The following CDH13 variants were observed in gnomAD, a reference collection of about 807,000 sequenced individuals.
CDH13 encodes the protein cadherin 13, also known as cadherin-13.
CDH13 carries 24 observed loss-of-function variants against 63.8 expected under a neutral mutation model. The ratio of observed to expected loss-of-function variants is 0.38; its 90% CI spans 0.27 to 0.53. The LOEUF is 0.53. Among genes scored for constraint, CDH13 ranks in the 20% least tolerant of loss-of-function variants. The probability of loss-of-function intolerance (pLI) is 0.85; values close to 1 mark genes in which losing one functional copy is unlikely to be tolerated. For synonymous variants in CDH13, 503 were observed against 355.3 expected (o/e 1.42, Z -4.67); for missense variants, 1,049 against 903.1 (o/e 1.16, Z -2.07).
intron 2 of CDH13, among the ~76,000 whole-genome samples, chr16:82,868,679 C>A (rs748018118): frequency 2.6e-5 from 4 of 152,254 alleles, no homozygotes; most frequent in Non-Finnish European, 4.4e-5. Context: ...ATCACACTGT[C>A]AGCCTTTGGG....
intron 10 of CDH13, among the ~76,000 whole-genome samples, chr16:83,742,242 C>T (rs577706705): frequency 2.0e-5 from 3 of 152,268 alleles, no homozygotes; most frequent in South Asian, 4.1e-4. Flanking sequence ...TGAGAGTGAG[C>T]CCGCCTTCCA....
At chr16:83,644,140 T>G (rs1485336589) in intron 8 of CDH13, among the ~76,000 whole-genome samples, 2 of 152,246 alleles carry the variant, frequency 1.3e-5, no homozygotes, top group Non-Finnish European at 2.9e-5. Flanking sequence ...CTTCTCTTTA[T>G]CTCAGCTCTG....
chr16:82,960,072 T>C (rs1906738306), intron 2 of CDH13, among the ~76,000 whole-genome samples: 1 of 152,184 alleles, frequency 6.6e-6, no homozygotes, highest in Non-Finnish European at 1.5e-5. Flanking sequence ...ATTCATGTTT[T>C]AAAAACATTC....
Position 83,305,123 on chromosome 16 carries a change from G to A in CDH13, c.637-39739G>A, listed in dbSNP as rs148865754. 3.4e-3 allele frequency among the ~76,000 whole-genome samples: 511 copies of A among 152,226 alleles called. 2 individuals are homozygous for A. Among genetic ancestry groups the A allele is most frequent in the Non-Finnish European group, 5.5e-3 (371 of 68,018 alleles). ...TGGGGGGACTCTCCTGCTCTGAAGG[G>A]GGCCATCCTGGTCTAGGGGAGCTGT... On this transcript the variant is annotated intron_variant, in intron 5 of 13. Coordinates refer to ENST00000567109, the MANE Select transcript of CDH13 (RefSeq NM_001257.5).
intron 1 of CDH13, among the ~76,000 whole-genome samples, chr16:82,716,909 C>G (rs553131673): frequency 1.3e-5 from 2 of 151,922 alleles, no homozygotes; most frequent in Admixed American, 6.6e-5. Flanking sequence ...GGGCTCATTC[C>G]TTCTTCAAGT....
At chr16:83,558,258 T>C (rs1809943348) in intron 7 of CDH13, among the ~76,000 whole-genome samples, 1 of 152,168 alleles carries the variant, frequency 6.6e-6, no homozygotes, top group African/African-American at 2.4e-5. Flanking sequence ...CAGGTTGTAG[T>C]GGTAAGATTG....
At chr16:82,774,995 T>C (rs756318768) in intron 1 of CDH13, among the ~76,000 whole-genome samples, 3 of 152,112 alleles carry the variant, frequency 2.0e-5, no homozygotes, top group African/African-American at 7.2e-5. Context: ...AGGAGCAAGA[T>C]TGGGTTGCAG....
At chr16:82,678,112 G>A (rs1374319793) in intron 1 of CDH13, among the ~76,000 whole-genome samples, 1 of 152,136 alleles carries the variant, frequency 6.6e-6, no homozygotes, top group Non-Finnish European at 1.5e-5. Context: ...AGTCCCCATG[G>A]AAGGTATCTA....
At chr16:82,847,768 A>C (rs2039323721) in intron 1 of CDH13, among the ~76,000 whole-genome samples, 1 of 152,216 alleles carries the variant, frequency 6.6e-6, no homozygotes, top group Non-Finnish European at 1.5e-5. Flanking sequence ...GAGCATGTGA[A>C]GGCCATTCAC....
intron 13 of CDH13, among the ~76,000 whole-genome samples, chr16:83,784,055 A>G (rs1398137681): frequency 6.6e-6 from 1 of 152,218 alleles, no homozygotes. Context: ...TAATAAATAC[A>G]TGTCTCAGAT....
chr16:82,673,015 T>TTTTTTTTTC, intron 1 of CDH13, among the ~76,000 whole-genome samples: 2 of 142,486 alleles, frequency 1.4e-5, no homozygotes, highest in South Asian at 4.6e-4. Context: ...TTTTTTTTTT[T>TTTTTTTTTC]TTTTGTAGAG....
At chr16:83,282,442 A>G (rs1403124968) in intron 5 of CDH13, among the ~76,000 whole-genome samples, 1 of 152,240 alleles carries the variant, frequency 6.6e-6, no homozygotes, top group East Asian at 1.9e-4. Context: ...TTATCTGTGA[A>G]TAGGAGAAGC....
chr16:83,101,065 C>G (rs2034452269), intron 3 of CDH13, among the ~76,000 whole-genome samples: 1 of 152,034 alleles, frequency 6.6e-6, no homozygotes, highest in Non-Finnish European at 1.5e-5. Context: ...TGATTGAGCA[C>G]CTACTATATG....
At chr16:83,704,283 T>C (rs1906682715) in intron 10 of CDH13, among the ~76,000 whole-genome samples, 1 of 152,152 alleles carries the variant, frequency 6.6e-6, no homozygotes. Flanking sequence ...GCAAGAGAGA[T>C]AATGAACAAA....
intron 2 of CDH13, among the ~76,000 whole-genome samples, chr16:82,952,587 C>T (rs928509736): frequency 6.6e-6 from 1 of 152,196 alleles, no homozygotes; most frequent in Non-Finnish European, 1.5e-5. Flanking sequence ...ATAACAGTAG[C>T]TAATATCTGT....
intron 2 of CDH13, among the ~76,000 whole-genome samples, chr16:82,913,739 A>G (rs1011956160): frequency 2.0e-5 from 3 of 152,038 alleles, no homozygotes; most frequent in East Asian, 1.9e-4. Flanking sequence ...CAGATCCTCA[A>G]CAGCCGTTCC....
intron 2 of CDH13, among the ~76,000 whole-genome samples, chr16:82,921,182 C>T (rs1322803962): frequency 6.6e-6 from 1 of 152,116 alleles, no homozygotes; most frequent in Non-Finnish European, 1.5e-5. Context: ...TGGCTTAAAA[C>T]AAGAAATTTA....
chr16:82,880,990 T>C (rs1343037813), intron 2 of CDH13, among the ~76,000 whole-genome samples: 1 of 152,224 alleles, frequency 6.6e-6, no homozygotes, highest in Non-Finnish European at 1.5e-5. Context: ...CCCCGTGGTG[T>C]CTAGTGTCTC....
chr16:82,804,099 G>C (rs12050942), intron 1 of CDH13, among the ~76,000 whole-genome samples: 1 of 146,878 alleles, frequency 6.8e-6, no homozygotes, highest in African/African-American at 2.6e-5. Flanking sequence ...GTGGTGGTGC[G>C]CGCCTGTAGT....
Sources: gnomAD v4.1 joint callset for allele counts (sites outside exome capture counted in the v4.1 genomes callset) on GRCh38, gnomAD v4.1.1 for gene constraint, MANE v1.5 for transcripts, NCBI Gene and HGNC (gene_info 2026-07-23, HGNC 2026-07-21) for gene names.